Variants in EIF2B2 observed in about 807,000 individuals in gnomAD.
EIF2B2 encodes translation initiation factor eIF2B subunit beta.
Under a neutral mutation model 34.7 loss-of-function variants are expected in EIF2B2, and 34 were observed. That is an observed-to-expected ratio of 0.98 (90% confidence interval 0.75 to 1.31). The LOEUF is 1.31. Ranked by LOEUF, EIF2B2 falls within the 50% of genes most tolerant of loss-of-function variation. The pLI, the probability that EIF2B2 is intolerant of heterozygous loss-of-function variation, is 0.00. For missense variants in EIF2B2, 361 were observed against 447.7 expected, an observed-to-expected ratio of 0.81 and a Z score of 1.75; for synonymous variants, 155 against 171.6, an observed-to-expected ratio of 0.90 and a Z score of 0.76.
At position 75,009,298 on chromosome 14, in the gene EIF2B2, A is replaced by C. The variant is rs3208685; in HGVS notation, c.*110A>C. ...GCAATGTGGGAGTGCACAGGAGTCC[A>C]CCTAAAAAAAAAATCCTTGATACTG... On this transcript the variant is annotated 3_prime_UTR_variant, in exon 8 of 8. Coordinates refer to ENST00000266126, the MANE Select transcript of EIF2B2 (RefSeq NM_014239.4). 3.2e-5 allele frequency: 45 copies of C among 1,386,690 alleles called. No individual in the cohort carries two copies. In the Admixed American group the frequency reaches 7.6e-4, roughly 24 times the overall value. 85.9% of individuals were successfully genotyped at this position (1,386,690 alleles called of 1,614,324 possible).
chr14:75,009,369 A>G lies in EIF2B2; in HGVS notation c.*181A>G, dbSNP rs552563342. 6 of 675,214 alleles carry G rather than the reference A, an allele frequency of 8.9e-6. No individual in the cohort carries two copies. The African/African-American group carries it at 1.1e-4, about 12-fold the overall frequency. The allele number at this position is 675,214 out of a possible 1,614,324, so 41.8% of individuals were successfully genotyped here. A position where few individuals can be genotyped will look rare whatever the true frequency, so the allele number is the denominator to read the frequency against. On this transcript the variant is annotated 3_prime_UTR_variant, in exon 8 of 8. Coordinates refer to ENST00000266126, the MANE Select transcript of EIF2B2 (RefSeq NM_014239.4). ...CCCGTAACAAGGGCACACATCCAGG[A>G]CTGTGTCTTGCCTTTCAGATCTTAA...
At chr14:75,003,239 G>T in intron 1 of EIF2B2, 36 bp from the exon 2 acceptor site, 1 of 1,613,360 alleles carries the variant, frequency 6.2e-7, no homozygotes, top group Non-Finnish European at 8.5e-7. Context: ...CTCACTTCGC[G>T]TTGGCTCCTC....
chr14:75,005,961 G>A lies in EIF2B2; in HGVS notation c.693G>A (p.Lys231=). Residue 231 remains lysine (K), a splice_region_variant and synonymous_variant, in exon 5 of 8, where the codon AAG becomes AAA. Transcript: ENST00000266126. ...TTGCCGTTATGTCAAGAGTCAACAAGGTGGGTATATCTGGAGTTATGTTGA... is the reference window on the plus strand; with the variant it reads ...TTGCCGTTATGTCAAGAGTCAACAAAGTGGGTATATCTGGAGTTATGTTGA... ...AIFAVMSRVN[K]VIIGTKTILA... is the part of the protein sequence containing the mutation. 4 of 1,610,936 alleles carry A rather than the reference G, an allele frequency of 2.5e-6. No homozygotes were observed. Among genetic ancestry groups the A allele is most frequent in the South Asian group, 1.1e-5 (1 of 90,984 alleles).
At chr14:75,007,905 G>T (rs1889651073) in intron 7 of EIF2B2, 117 bp downstream of exon 7, 2 of 1,012,106 alleles carry the variant, frequency 2.0e-6, no homozygotes, top group Admixed American at 3.9e-5. Flanking sequence ...CTGTCAAGTT[G>T]TGTTTTTTAT....
At chr14:75,008,923 C>A in intron 7 of EIF2B2, 108 bp from the exon 8 acceptor site, 2 of 1,444,958 alleles carry the variant, frequency 1.4e-6, no homozygotes, top group Non-Finnish European at 1.9e-6. Context: ...AGCTTCCCGT[C>A]CTTGGGGAGC....
chr14:75,004,879 A>C lies in EIF2B2; in HGVS notation c.576A>C (p.Ala192=), dbSNP rs1195032774. 2 of 1,612,290 alleles carry C rather than the reference A, an allele frequency of 1.2e-6. No individual in the cohort carries two copies. The highest frequency in any genetic ancestry group is 3.3e-5 in the Admixed American group (2 of 59,930). The part of the protein sequence containing the change: ...ARKRKFHVIV[A]ECAPFCQGHE... The stretch of plus-strand genomic sequence containing the variant: ...AGAGGAAATTCCATGTCATTGTAGC[A>C]GAGTGTGCTCCTTTCTGCCAGGTAA... Residue 192 remains alanine, a synonymous_variant, in exon 4 of 8, where the codon GCA becomes GCC. Coordinates refer to ENST00000266126, the MANE Select transcript of EIF2B2 (RefSeq NM_014239.4).
At chr14:75,003,797 C>T (rs1221856052) in intron 3 of EIF2B2, 98 bp downstream of exon 3, 6 of 1,536,490 alleles carry the variant, frequency 3.9e-6, no homozygotes, top group South Asian at 3.5e-5. Flanking sequence ...GGGAGATTAG[C>T]TGTCTTCTGG....
In EIF2B2 at chr14:75,009,586, G is replaced by T. The variant is rs998007996; in HGVS notation, c.*398G>T. 6 of 300,162 alleles carry T rather than the reference G, an allele frequency of 2.0e-5. No individual in the cohort carries two copies. Among genetic ancestry groups the T allele is most frequent in the East Asian group, 1.7e-4 (2 of 11,640 alleles). 18.6% of individuals were successfully genotyped at this position (300,162 alleles called of 1,614,324 possible). ...CTCTACCAATAAAAGCCACTTGAAGGTTCCATAGTTGGTTTATTTATTGTC... is the reference window on the plus strand; with the variant it reads ...CTCTACCAATAAAAGCCACTTGAAGTTTCCATAGTTGGTTTATTTATTGTC... On this transcript the variant is annotated 3_prime_UTR_variant, in exon 8 of 8. Transcript: ENST00000266126.
chr14:75,004,712 T>C, intron 3 of EIF2B2, 25 bp from the exon 4 acceptor site: 2 of 1,000,062 alleles, frequency 2.0e-6, no homozygotes, highest in Non-Finnish European at 2.5e-6. Flanking sequence ...TTTTTTTTTT[T>C]TTTTTTGCAA....
intron 4 of EIF2B2, 98 bp from the exon 5 acceptor site, chr14:75,005,768 C>A: frequency 1.1e-6 from 1 of 895,658 alleles, no homozygotes; most frequent in Non-Finnish European, 1.9e-6. Flanking sequence ...GCTGGATATG[C>A]CCATATCACA....
In EIF2B2 at chr14:75,003,146, C is replaced by A; in HGVS notation, c.156C>A (p.Ser52Arg). 1 of 1,613,428 alleles carries A rather than the reference C, an allele frequency of 6.2e-7. No individual in the cohort carries two copies. The highest frequency in any genetic ancestry group is 2.2e-5 in the East Asian group (1 of 44,870). ...AGATCATCACGGACCACCGCTGGAG[C>A]AACGCGGGTGAGGCCGGCCTGCCTC... is the stretch of plus-strand genomic sequence containing the variant. ...LRQIITDHRW[S>R]NAGELMELIR... Residue 52 changes from serine to arginine, a missense_variant, in exon 1 of 8, where the codon AGC becomes AGA. By Grantham distance (110) the Ser-to-Arg change is moderately radical. Coordinates refer to ENST00000266126, the MANE Select transcript of EIF2B2 (RefSeq NM_014239.4).
intron 3 of EIF2B2, 102 bp downstream of exon 3, chr14:75,003,801 C>T: frequency 6.6e-7 from 1 of 1,521,300 alleles, no homozygotes; most frequent in Non-Finnish European, 9.0e-7. Context: ...GATTAGCTGT[C>T]TTCTGGTTCT....
In EIF2B2 at chr14:75,002,948, G is replaced by C; in HGVS notation, c.-43G>C. ...AAGTGCAAACTGTGTGGTCTGGCAG[G>C]TGTGGATTCCGCCGGTGAAGGCTGA... On this transcript the variant is annotated 5_prime_UTR_variant, in exon 1 of 8. Transcript: ENST00000266126. 6.2e-7 allele frequency: 1 copy of C among 1,612,814 alleles called. No homozygotes were observed. Among genetic ancestry groups the C allele is most frequent in the Non-Finnish European group, 8.5e-7 (1 of 1,179,966 alleles).
In EIF2B2 at chr14:75,006,725, C is replaced by G. The variant is rs199593472; in HGVS notation, c.831+11C>G. ...AAACTTTCTCCACAGGTAAGTGTGT[C>G]TGTCTCTAGCTAGAAGCCAGCAGAA... On this transcript the variant is annotated intron_variant, in intron 6 of 7. Coordinates refer to ENST00000266126, the MANE Select transcript of EIF2B2 (RefSeq NM_014239.4). The surrounding 1 kb of genome is among the most constrained non-coding windows in gnomAD (Gnocchi z 4.1). 8.4e-5 allele frequency: 135 copies of G among 1,614,132 alleles called. No individual in the cohort carries two copies. The African/African-American group carries it at 1.7e-3, about 20-fold the overall frequency.
At chr14:75,007,885 G>C in intron 7 of EIF2B2, 97 bp downstream of exon 7, 1 of 1,169,366 alleles carries the variant, frequency 8.6e-7, no homozygotes. Flanking sequence ...TTGGTCAGTA[G>C]AACTGAATGC....
At chr14:75,003,198 T>C in intron 1 of EIF2B2, 45 bp downstream of exon 1, 1 of 1,613,398 alleles carries the variant, frequency 6.2e-7, no homozygotes, top group Non-Finnish European at 8.5e-7. Flanking sequence ...CCCTGTCTGT[T>C]CCCGATCCCA....
rs1889667655 is a variant in EIF2B2, at chr14:75,009,082, C to T, written c.950C>T (p.Pro317Leu). The T allele has an allele frequency of 1.2e-6, 2 of 1,614,048 alleles. No individual in the cohort carries two copies. Among genetic ancestry groups the T allele is most frequent in the Non-Finnish European group, 1.7e-6 (2 of 1,179,988 alleles). ...SVHCPVFDYV[P>L]PELITLFISN... ...CATTGCCCTGTGTTTGACTACGTTC[C>T]CCCAGAGCTCATTACCCTCTTTATC... Residue 317 changes from proline to leucine, a missense_variant, in exon 8 of 8, where the codon CCC (proline) becomes CTC (leucine). Pro to Leu is a moderately conservative substitution (Grantham distance 98, BLOSUM62 -3). Coordinates refer to ENST00000266126, the MANE Select transcript of EIF2B2 (RefSeq NM_014239.4).
At chr14:75,007,925 T>A (rs1889651518) in intron 7 of EIF2B2, 137 bp downstream of exon 7, 1 of 807,944 alleles carries the variant, frequency 1.2e-6, no homozygotes, top group Non-Finnish European at 2.0e-6. Context: ...TCATACTTCT[T>A]GTGGGGACTG....
chr14:75,003,583 A>G lies in EIF2B2; in HGVS notation c.317A>G (p.Gln106Arg). The change falls in exon 3 of 8, where the codon CAG (glutamine) becomes CGG (arginine). Residue 106 changes from glutamine to arginine, a missense_variant. Physicochemically the swap from Gln to Arg is conservative, Grantham distance 43. Coordinates refer to ENST00000266126, the MANE Select transcript of EIF2B2 (RefSeq NM_014239.4). The part of the protein sequence containing the change: ...LHGRSDESDQ[Q>R]ESLHKLLTSG... Reference sequence around the variant, plus strand: ...GGACGCAGCGACGAGAGTGATCAGCAGGAGTCCCTGCACAAACTGTTGACA... The same window carrying G: ...GGACGCAGCGACGAGAGTGATCAGCGGGAGTCCCTGCACAAACTGTTGACA... 1 of 1,614,222 alleles carries G rather than the reference A, an allele frequency of 6.2e-7. No individual in the cohort carries two copies. The highest frequency in any genetic ancestry group is 1.1e-5 in the South Asian group (1 of 91,080).
Sources: allele counts gnomAD v4.1 joint callset, GRCh38; gene constraint gnomAD v4.1.1; non-coding constraint Gnocchi (gnomAD v3.1); transcripts MANE v1.5; gene names NCBI Gene and HGNC (gene_info 2026-07-23, HGNC 2026-07-21).